The following CD2AP variants were observed in gnomAD, a reference collection of about 807,000 sequenced individuals.
CD2AP encodes the protein CD2 associated protein.
Under a neutral mutation model 85.1 loss-of-function variants are expected in CD2AP, and 46 were observed. That is an observed-to-expected ratio of 0.54 (90% confidence interval 0.43 to 0.69). CD2AP has a LOEUF of 0.69. Ranked by LOEUF, CD2AP falls within the 30% of genes least tolerant of loss-of-function variation. The pLI, the probability that CD2AP is intolerant of heterozygous loss-of-function variation, is 0.00. For missense variants in CD2AP, 769 were observed against 729.5 expected, an observed-to-expected ratio of 1.05 and a Z score of -0.62; for synonymous variants, 255 against 252.9, an observed-to-expected ratio of 1.01 and a Z score of -0.08.
At chr6:47,583,451 C>A (rs544092663) in intron 11 of CD2AP, among the ~76,000 whole-genome samples, 24 of 152,116 alleles carry the variant, frequency 1.6e-4, no homozygotes, top group Non-Finnish European at 2.9e-4. Context: ...CCCTTGTCAA[C>A]CATTAATTTT....
intron 2 of CD2AP, among the ~76,000 whole-genome samples, chr6:47,532,518 T>C (rs1007726616): frequency 7.9e-5 from 12 of 152,236 alleles, no homozygotes; most frequent in African/African-American, 2.6e-4. Flanking sequence ...ACGTTTTTCT[T>C]GCACAATGTA....
chr6:47,509,254 A>C (rs1766255773), intron 2 of CD2AP, among the ~76,000 whole-genome samples: 1 of 152,226 alleles, frequency 6.6e-6, no homozygotes, highest in African/African-American at 2.4e-5. Flanking sequence ...ATACCTCAAA[A>C]CAATTAAAAT....
rs747832531 is a variant in CD2AP, at chr6:47,544,686, A to G, written c.400A>G (p.Ile134Val). 17 of 1,606,906 alleles carry G rather than the reference A, an allele frequency of 1.1e-5. No individual in the cohort carries two copies. Among genetic ancestry groups the G allele is most frequent in the Admixed American group, 1.7e-5 (1 of 59,988 alleles). Residue 134 changes from isoleucine to valine, a missense_variant, in exon 4 of 18, where the codon ATT becomes GTT. Ile to Val is a conservative substitution (Grantham distance 29, BLOSUM62 3). Coordinates refer to ENST00000359314, the MANE Select transcript of CD2AP (RefSeq NM_012120.3). ...TGAACTGGAGCTGAAAGTGGGAGAT[A>G]TTATTGATATTAATGAAGAGGTAAG... ...EDELELKVGD[I>V]IDINEEVEEG...
At chr6:47,481,528 T>C (rs1264840150) in intron 1 of CD2AP, among the ~76,000 whole-genome samples, 1 of 152,158 alleles carries the variant, frequency 6.6e-6, no homozygotes, top group Non-Finnish European at 1.5e-5. Context: ...GCATTTTTAG[T>C]AGAGACAGGG....
intron 13 of CD2AP, among the ~76,000 whole-genome samples, chr6:47,600,560 T>A (rs1769102064): frequency 6.6e-6 from 1 of 151,926 alleles, no homozygotes; most frequent in Non-Finnish European, 1.5e-5. Context: ...TGGATTCCCC[T>A]TGTTATGGAT....
At chr6:47,544,747 T>C (rs772280634) in intron 4 of CD2AP, 41 bp downstream of exon 4, 3 of 1,140,446 alleles carry the variant, frequency 2.6e-6, no homozygotes, top group Admixed American at 1.7e-5. Flanking sequence ...GTAATGGTAA[T>C]TGATGCTATG....
chr6:47,487,375 A>G (rs748240314), intron 1 of CD2AP, among the ~76,000 whole-genome samples: 7 of 152,138 alleles, frequency 4.6e-5, no homozygotes, highest in Non-Finnish European at 8.8e-5. Flanking sequence ...TATGCTTACA[A>G]CTTCATAGTT....
At chr6:47,528,501 T>C (rs1484382781) in intron 2 of CD2AP, among the ~76,000 whole-genome samples, 2 of 152,218 alleles carry the variant, frequency 1.3e-5, no homozygotes, top group African/African-American at 4.8e-5. Context: ...ATGGAACTTA[T>C]ATATTTGGTT....
chr6:47,531,055 G>T (rs994681563), intron 2 of CD2AP, among the ~76,000 whole-genome samples: 8 of 152,020 alleles, frequency 5.3e-5, no homozygotes, highest in African/African-American at 1.9e-4. Flanking sequence ...TTGAAGACCA[G>T]CCTGGACAAC....
rs1240626829 is a variant in CD2AP at position 47,626,719 on chromosome 6, A to G, written c.*2492A>G. The G allele has an allele frequency of 6.6e-6, 1 of 152,426 alleles. No homozygotes were observed. Among genetic ancestry groups the G allele is most frequent in the Non-Finnish European group, 1.5e-5 (1 of 67,870 alleles). 9.4% of individuals were successfully genotyped at this position (152,426 alleles called of 1,614,324 possible). On this transcript the variant is annotated 3_prime_UTR_variant, in exon 18 of 18. Coordinates refer to ENST00000359314, the MANE Select transcript of CD2AP (RefSeq NM_012120.3). ...ACTCTTTTTTATGCTCCTTACTGTG[A>G]TCACAGAAAAATTAAAAATCCAAGT...
chr6:47,586,506 T>G (rs1247722297), intron 11 of CD2AP, among the ~76,000 whole-genome samples: 1 of 152,160 alleles, frequency 6.6e-6, no homozygotes, highest in Admixed American at 6.5e-5. Context: ...GCTGAAAATT[T>G]TAATTTGATG....
chr6:47,589,545 T>TAC (rs1768726182), intron 11 of CD2AP, among the ~76,000 whole-genome samples: 2 of 45,538 alleles, frequency 4.4e-5, no homozygotes, highest in South Asian at 7.1e-4. Context: ...TATGTACACA[T>TAC]ATATATACAC....
chr6:47,478,220 G>T lies in CD2AP; in HGVS notation c.-25G>T. 6.4e-7 allele frequency: 1 copy of T among 1,566,840 alleles called. No individual in the cohort carries two copies. The highest frequency in any genetic ancestry group is 8.6e-7 in the Non-Finnish European group (1 of 1,156,384). On this transcript the variant is annotated 5_prime_UTR_variant, in exon 1 of 18. Coordinates refer to ENST00000359314, the MANE Select transcript of CD2AP (RefSeq NM_012120.3). ...GGAGGAGGAGGAGGAGCGGACGTCG[G>T]CTTCTCCCCGCGGGAGCCCCCAGCA...
chr6:47,544,484 A>G, intron 3 of CD2AP, 122 bp from the exon 4 acceptor site: 1 of 683,628 alleles, frequency 1.5e-6, no homozygotes. Flanking sequence ...GCTGTTTAGA[A>G]TGCTCATACG....
intron 11 of CD2AP, among the ~76,000 whole-genome samples, chr6:47,588,310 A>G (rs1023187737): frequency 2.0e-5 from 3 of 152,112 alleles, no homozygotes; most frequent in Non-Finnish European, 4.4e-5. Flanking sequence ...AAACTCCATG[A>G]GGGAAAAGGT....
intron 1 of CD2AP, among the ~76,000 whole-genome samples, chr6:47,489,779 A>G (rs1274148664): frequency 6.6e-6 from 1 of 152,188 alleles, no homozygotes; most frequent in Non-Finnish European, 1.5e-5. Context: ...CATTGTTCTC[A>G]TTTTAAAACT....
At chr6:47,538,465 C>T (rs543657860) in intron 3 of CD2AP, among the ~76,000 whole-genome samples, 106 of 152,134 alleles carry the variant, frequency 7.0e-4, no homozygotes, top group African/African-American at 2.3e-3. Context: ...AGGCTGGTCT[C>T]GAACTCCTGA....
intron 1 of CD2AP, among the ~76,000 whole-genome samples, chr6:47,496,000 A>G (rs191350871): frequency 4.9e-4 from 74 of 152,226 alleles, no homozygotes; most frequent in African/African-American, 1.7e-3. Flanking sequence ...AATTTCCTAT[A>G]TGATGTTACT....
In CD2AP at chr6:47,582,024, C is replaced by T. The variant is rs1367941072; in HGVS notation, c.1067C>T (p.Ala356Val). The change falls in exon 11 of 18, where the codon GCT becomes GTT. Residue 356 changes from alanine (A) to valine (V), a missense_variant. By Grantham distance (64) the Ala-to-Val change is moderately conservative (BLOSUM62 0). Coordinates refer to ENST00000359314, the MANE Select transcript of CD2AP (RefSeq NM_012120.3). ...ATAGCTCCAAAGCCTGAACTGATAGCTGCAGAGAAGAAATATTTTTCTTTA... is the reference window on the plus strand; with the variant it reads ...ATAGCTCCAAAGCCTGAACTGATAGTTGCAGAGAAGAAATATTTTTCTTTA... ...KAPAPKPELI[A>V]AEKKYFSLKP... 1.9e-6 allele frequency: 3 copies of T among 1,608,328 alleles called. No individual in the cohort carries two copies. Among genetic ancestry groups the T allele is most frequent in the Non-Finnish European group, 2.6e-6 (3 of 1,174,992 alleles).
Sources: gnomAD v4.1 joint callset for allele counts (sites outside exome capture counted in the v4.1 genomes callset) on GRCh38, gnomAD v4.1.1 for gene constraint, MANE v1.5 for transcripts, NCBI Gene and HGNC (gene_info 2026-07-23, HGNC 2026-07-21) for gene names.